LAMA1: variants seen among roughly 807,000 people sequenced by gnomAD.
The protein encoded by LAMA1 is laminin subunit alpha-1.
LAMA1 carries 219 observed loss-of-function variants against 348.7 expected under a neutral mutation model. That is an observed-to-expected ratio of 0.63 (90% confidence interval 0.56 to 0.70). The LOEUF (loss-of-function observed/expected upper bound fraction) is 0.70, where lower values mean the gene tolerates loss of function less well. Among genes scored for constraint, LAMA1 ranks in the 30% least tolerant of loss-of-function variants. LAMA1 has a pLI of 0.00. For synonymous variants in LAMA1, 1,487 were observed against 1,491.0 expected (o/e 1.00, Z 0.06); for missense variants, 3,744 against 3,888.0 (o/e 0.96, Z 0.99).
chr18:6,979,278 C>T (rs2057697360), intron 42 of LAMA1, among the ~76,000 whole-genome samples: 1 of 152,128 alleles, frequency 6.6e-6, no homozygotes, highest in East Asian at 1.9e-4. Context: ...CCCAGTTTCC[C>T]CAGGTAACTT....
At chr18:6,999,718 A>T in intron 31 of LAMA1, 80 bp from the exon 32 acceptor site, 1 of 1,304,700 alleles carries the variant, frequency 7.7e-7, no homozygotes, top group South Asian at 1.3e-5. Flanking sequence ...ATTTCCGCCA[A>T]ATGAAATGCA....
intron 42 of LAMA1, 103 bp downstream of exon 42, chr18:6,980,418 G>A: frequency 1.2e-6 from 1 of 824,112 alleles, no homozygotes; most frequent in Non-Finnish European, 2.1e-6. Flanking sequence ...TCATTTTTGA[G>A]CTAAAGCCTT....
intron 27 of LAMA1, 122 bp downstream of exon 27, chr18:7,009,117 G>T: frequency 1.9e-6 from 2 of 1,072,538 alleles, no homozygotes; most frequent in Non-Finnish European, 2.8e-6. Flanking sequence ...CAATGTTTTG[G>T]TAAGGAACTG....
intron 10 of LAMA1, among the ~76,000 whole-genome samples, chr18:7,039,164 T>C (rs185419945): frequency 2.6e-5 from 4 of 152,346 alleles, no homozygotes; most frequent in Non-Finnish European, 4.4e-5. Flanking sequence ...GCTGGAGATC[T>C]TAGAACTCGG....
chr18:7,070,641 G>A lies in LAMA1; in HGVS notation c.345+9334C>T, dbSNP rs571280186. On this transcript the variant is annotated intron_variant, in intron 3 of 62. Coordinates refer to ENST00000389658, the MANE Select transcript of LAMA1 (RefSeq NM_005559.4). ...GTCTAAAAGTTTGCATAAAACAAAG[G>A]CTCCTCTGTGATTATGTTCCCACAA... is the stretch of plus-strand genomic sequence containing the variant. Among the ~76,000 whole-genome samples, 5 of 152,150 alleles carry A rather than the reference G, an allele frequency of 3.3e-5. No individual in the cohort carries two copies. The East Asian group carries it at 9.7e-4, about 29-fold the overall frequency.
intron 1 of LAMA1, among the ~76,000 whole-genome samples, chr18:7,081,587 C>T (rs2058193654): frequency 6.6e-6 from 1 of 152,170 alleles, no homozygotes; most frequent in Admixed American, 6.5e-5. Flanking sequence ...AGTACCAGGT[C>T]CAAACTATTC....
chr18:7,004,308 C>T (rs10164234), intron 29 of LAMA1, among the ~76,000 whole-genome samples: 10,928 of 152,204 alleles, frequency 0.072, 454 homozygotes, highest in African/African-American at 0.093. Context: ...AGGCTACCGC[C>T]CTTGTCCTCA....
rs1170111595 is a variant in LAMA1, at chr18:7,034,459, C to T, written c.2051+20G>A. ...GGAAGTACCTTCACCGTAAGTTTTT[C>T]CTCCATTTTCAATACATACCTGTAA... On this transcript the variant is annotated intron_variant, in intron 14 of 62. Coordinates refer to ENST00000389658, the MANE Select transcript of LAMA1 (RefSeq NM_005559.4). 1 of 1,589,362 alleles carries T rather than the reference C, an allele frequency of 6.3e-7. No individual in the cohort carries two copies. The highest frequency in any genetic ancestry group is 2.2e-5 in the East Asian group (1 of 44,776).
At chr18:7,068,070 C>G (rs1449337627) in intron 3 of LAMA1, among the ~76,000 whole-genome samples, 1 of 152,160 alleles carries the variant, frequency 6.6e-6, no homozygotes, top group Non-Finnish European at 1.5e-5. Context: ...TCAGGCTGGT[C>G]TTGATCTCCT....
rs1447417989 is a variant in LAMA1 at position 6,999,569 on chromosome 18, C to A, written c.4539G>T (p.Pro1513=). Residue 1513 remains proline, a synonymous_variant, in exon 32 of 63, where the codon CCG becomes CCT. Transcript: ENST00000389658. ...CACAGTCACCGTGGACAGAGCCGTG[C>A]GGGTTGCAGTCACACTTCTGGCAAC... ...GGSCQKCDCN[P]HGSVHGDCDR... The A allele has an allele frequency of 3.1e-6, 5 of 1,613,750 alleles. No individual in the cohort carries two copies. The highest frequency in any genetic ancestry group is 1.3e-5 in the African/African-American group (1 of 74,914).
At chr18:7,045,953 CTTT>C (rs77576027) in intron 6 of LAMA1, among the ~76,000 whole-genome samples, 2 of 142,884 alleles carry the variant, frequency 1.4e-5, no homozygotes, top group Admixed American at 7.1e-5. Flanking sequence ...TATAATTGCA[CTTT>C]TTTTTTTTTT....
At chr18:7,096,429 C>G (rs973221465) in intron 1 of LAMA1, among the ~76,000 whole-genome samples, 1 of 152,132 alleles carries the variant, frequency 6.6e-6, no homozygotes, top group Non-Finnish European at 1.5e-5. Flanking sequence ...ATAATCCCAG[C>G]ATTTTGAGAA....
intron 36 of LAMA1, among the ~76,000 whole-genome samples, chr18:6,991,041 C>T (rs534436608): frequency 4.6e-5 from 7 of 152,228 alleles, no homozygotes; most frequent in African/African-American, 9.6e-5. Context: ...CAGCTGCTCA[C>T]GCCCATCTCC....
At chr18:6,991,974 T>C (rs11662397) in intron 36 of LAMA1, among the ~76,000 whole-genome samples, 30,098 of 152,148 alleles carry the variant, frequency 0.2, 3,463 homozygotes, top group Non-Finnish European at 0.27. Flanking sequence ...AGACATTCAT[T>C]ACAACCTGCA....
intron 61 of LAMA1, among the ~76,000 whole-genome samples, chr18:6,946,365 C>G (rs769622421): frequency 1.3e-5 from 2 of 152,056 alleles, no homozygotes; most frequent in South Asian, 4.1e-4. Context: ...ATTAGGGGTA[C>G]AGGAGTTGGG....
chr18:7,002,534 T>G, intron 29 of LAMA1, 149 bp from the exon 30 acceptor site: 2 of 908,310 alleles, frequency 2.2e-6, no homozygotes, highest in African/African-American at 1.6e-5. Context: ...CTCCATATTC[T>G]TAAAATCCTG....
intron 19 of LAMA1, among the ~76,000 whole-genome samples, chr18:7,022,278 A>G (rs1425572985): frequency 2.0e-5 from 3 of 152,218 alleles, no homozygotes; most frequent in Admixed American, 6.5e-5. Context: ...TGCAGTAATG[A>G]TGAAAAGAAA....
chr18:6,981,773 T>C (rs1250066573), intron 41 of LAMA1, among the ~76,000 whole-genome samples: 3 of 152,164 alleles, frequency 2.0e-5, no homozygotes, highest in Non-Finnish European at 4.4e-5. Flanking sequence ...CTGTAAAGGG[T>C]ATGAGCTGTG....
At chr18:7,023,130 A>C in intron 19 of LAMA1, 34 bp downstream of exon 19, 1 of 1,595,728 alleles carries the variant, frequency 6.3e-7, no homozygotes, top group African/African-American at 1.3e-5. Context: ...TATGGCAATA[A>C]ACAGCTGACC....
Sources: gnomAD v4.1 joint callset for allele counts (sites outside exome capture counted in the v4.1 genomes callset) on GRCh38, gnomAD v4.1.1 for gene constraint, MANE v1.5 for transcripts, NCBI Gene and HGNC (gene_info 2026-07-23, HGNC 2026-07-21) for gene names.